WDFY4: variants seen among roughly 807,000 people sequenced by gnomAD.
WDFY4 encodes WDFY family member 4.
A neutral mutation model predicts 351.9 loss-of-function variants in WDFY4; 169 were observed. The observed-to-expected ratio is 0.48, with a 90% CI of 0.42 to 0.55. The LOEUF (loss-of-function observed/expected upper bound fraction) is 0.55, where lower values mean the gene tolerates loss of function less well. Among genes scored for constraint, WDFY4 ranks in the 20% least tolerant of loss-of-function variants. The pLI, the probability that WDFY4 is intolerant of heterozygous loss-of-function variation, is 0.00. For missense variants in WDFY4, 3,803 were observed against 3,935.6 expected, an observed-to-expected ratio of 0.97 and a Z score of 0.90; for synonymous variants, 1,622 against 1,574.6, an observed-to-expected ratio of 1.03 and a Z score of -0.71.
In WDFY4 at chr10:48,774,672, G is replaced by A; in HGVS notation, c.2768G>A (p.Arg923Lys). 1 of 1,551,688 alleles carries A rather than the reference G, an allele frequency of 6.4e-7. No homozygotes were observed. The highest frequency in any genetic ancestry group is 8.7e-7 in the Non-Finnish European group (1 of 1,146,964). Residue 923 changes from arginine to lysine, a missense_variant and splice_region_variant, in exon 14 of 62, where the codon AGA (arginine) becomes AAA (lysine). Physicochemically the swap from Arg to Lys is conservative, Grantham distance 26. Around this residue, in one of 3 missense-constraint regions of WDFY4, gnomAD observed 3,054 missense variants for 3,148.6 expected, o/e 0.97. Transcript: ENST00000325239. ...ASQAIEPDVL[R>K]QFLGLGIPSS... is the part of the protein sequence containing the mutation. ...CAGGCCATTGAACCGGATGTGCTAA[G>A]GTACCACATGCTGCATATTCAGTGC...
intron 12 of WDFY4, among the ~76,000 whole-genome samples, chr10:48,749,314 T>G (rs977405090): frequency 6.6e-6 from 1 of 151,932 alleles, no homozygotes; most frequent in East Asian, 1.9e-4. Context: ...ACACACTATA[T>G]ACACATCACA....
chr10:48,902,408 T>C lies in WDFY4; in HGVS notation c.7586+545T>C, dbSNP rs78893639. Among the ~76,000 whole-genome samples the C allele has an allele frequency of 2.3e-3, 354 of 152,202 alleles. 8 individuals carry two copies. In the East Asian group the frequency reaches 0.032, roughly 14 times the overall value. On this transcript the variant is annotated intron_variant, in intron 47 of 61. Coordinates refer to ENST00000325239, the MANE Select transcript of WDFY4 (RefSeq NM_001394531.1). ...CTCTGGAAGGCCACTTAGGGATCAG[T>C]AGGTGTTTTTATTTCAGTCGGGGTG...
chr10:48,767,595 G>A (rs758558881), intron 13 of WDFY4, among the ~76,000 whole-genome samples: 43 of 152,126 alleles, frequency 2.8e-4, no homozygotes, highest in Non-Finnish European at 4.7e-4. Context: ...TTAAGGTAGG[G>A]AGGGGCAGTT....
chr10:48,833,513 C>G (rs2068270148), intron 39 of WDFY4, among the ~76,000 whole-genome samples: 1 of 152,136 alleles, frequency 6.6e-6, no homozygotes, highest in African/African-American at 2.4e-5. Context: ...GCAGTGTCAC[C>G]TCCATCAAGA....
At chr10:48,895,002 T>C (rs1837000244) in intron 44 of WDFY4, among the ~76,000 whole-genome samples, 1 of 152,132 alleles carries the variant, frequency 6.6e-6, no homozygotes, top group Non-Finnish European at 1.5e-5. Context: ...CAAAGCGGTG[T>C]TTTGTGTTTG....
At chr10:48,748,469 G>T (rs1211417751) in intron 12 of WDFY4, among the ~76,000 whole-genome samples, 1 of 152,068 alleles carries the variant, frequency 6.6e-6, no homozygotes, top group South Asian at 2.1e-4. Flanking sequence ...GCACACACGT[G>T]TGTGTGTTCT....
chr10:48,895,083 G>A (rs917019959), intron 44 of WDFY4, among the ~76,000 whole-genome samples: 1 of 152,236 alleles, frequency 6.6e-6, no homozygotes, highest in Non-Finnish European at 1.5e-5. Context: ...TCTGCAGAGA[G>A]CCTGAGTCTG....
chr10:48,795,677 A>G (rs1315232030), intron 23 of WDFY4, among the ~76,000 whole-genome samples: 3 of 151,924 alleles, frequency 2.0e-5, no homozygotes, highest in East Asian at 3.9e-4. Context: ...GAATGGAGCC[A>G]TGGATGGAAG....
At chr10:48,808,842 C>G (rs188381218) in intron 28 of WDFY4, among the ~76,000 whole-genome samples, 9 of 152,186 alleles carry the variant, frequency 5.9e-5, no homozygotes, top group Non-Finnish European at 1.0e-4. Flanking sequence ...CTTCCGGGTT[C>G]GAATCCTAGC....
intron 13 of WDFY4, among the ~76,000 whole-genome samples, chr10:48,760,985 G>T (rs1054634649): frequency 6.6e-6 from 1 of 152,198 alleles, no homozygotes; most frequent in Non-Finnish European, 1.5e-5. Context: ...GAATTGTGAC[G>T]AGTGATATTA....
intron 20 of WDFY4, among the ~76,000 whole-genome samples, chr10:48,787,888 C>CTTTCTTCTTTCTTTCT: frequency 1.4e-5 from 1 of 73,572 alleles, no homozygotes; most frequent in Admixed American, 1.3e-4. Context: ...CTTTCTTCTT[C>CTTTCTTCTTTCTTTCT]TTCTCCTTCT....
At chr10:48,877,283 A>T in intron 43 of WDFY4, 84 bp downstream of exon 43, 2 of 1,274,084 alleles carry the variant, frequency 1.6e-6, no homozygotes, top group Non-Finnish European at 2.2e-6. Flanking sequence ...AGCTTTCGCC[A>T]CTTACATGGG....
At chr10:48,778,109 C>T (rs184498392) in intron 17 of WDFY4, among the ~76,000 whole-genome samples, 17 of 152,330 alleles carry the variant, frequency 1.1e-4, no homozygotes, top group Admixed American at 5.2e-4. Context: ...CTGAGCCACA[C>T]GCTCTGTTAG....
intron 33 of WDFY4, 78 bp downstream of exon 33, chr10:48,820,515 C>T: frequency 6.8e-7 from 1 of 1,464,170 alleles, no homozygotes; most frequent in Non-Finnish European, 9.2e-7. Context: ...CAGGATGCAC[C>T]CAGGGAGACA....
At position 48,723,531 on chromosome 10, in the gene WDFY4, T is replaced by C. The variant is rs376249976; in HGVS notation, c.555T>C (p.Leu185=). The C allele has an allele frequency of 2.1e-5, 33 of 1,551,804 alleles. No homozygotes were observed. In the African/African-American group the frequency reaches 3.6e-4, roughly 17 times the overall value. Residue 185 remains leucine (L), a synonymous_variant, in exon 5 of 62, where the codon CTT becomes CTC. Transcript: ENST00000325239. ...TTCCTCTGGACAAAGATGAGCTTCT[T>C]GAGAGTGATCTTCAAGTTCAAAAGA... ...FVFPLDKDEL[L]ESDLQVQKMF...
At chr10:48,689,950 C>A (rs1489814225) in intron 1 of WDFY4, among the ~76,000 whole-genome samples, 1 of 152,180 alleles carries the variant, frequency 6.6e-6, no homozygotes, top group Non-Finnish European at 1.5e-5. Context: ...AGTGACTGAG[C>A]TGGGATTTGA....
intron 53 of WDFY4, 53 bp from the exon 54 acceptor site, chr10:48,963,789 G>T: frequency 1.3e-6 from 2 of 1,516,056 alleles, no homozygotes; most frequent in African/African-American, 1.4e-5. Context: ...TGCAGCGAGT[G>T]CATGAGTCCA....
At chr10:48,866,985 A>G (rs2069567304) in intron 39 of WDFY4, among the ~76,000 whole-genome samples, 1 of 152,008 alleles carries the variant, frequency 6.6e-6, no homozygotes, top group Admixed American at 6.6e-5. Context: ...AGCCTGGCCA[A>G]TGTGGTGAAA....
At chr10:48,934,760 G>A (rs756970305) in intron 47 of WDFY4, among the ~76,000 whole-genome samples, 25 of 152,226 alleles carry the variant, frequency 1.6e-4, no homozygotes, top group Non-Finnish European at 2.6e-4. Flanking sequence ...TTTCCTTAGA[G>A]GGGTGACTGG....
Sources: gnomAD v4.1 joint callset for allele counts (sites outside exome capture counted in the v4.1 genomes callset) on GRCh38, gnomAD v4.1.1 for gene constraint, gnomAD v4.1.1 regional missense constraint, MANE v1.5 for transcripts, NCBI Gene and HGNC (gene_info 2026-07-23, HGNC 2026-07-21) for gene names.